The following RPF2 variants were observed in gnomAD, a reference collection of about 807,000 sequenced individuals.
The protein encoded by RPF2 is brix domain containing 1.
In RPF2, 21 loss-of-function variants were observed where a neutral mutation model predicts 38.9. The ratio of observed to expected loss-of-function variants is 0.54; its 90% CI spans 0.38 to 0.78. The LOEUF is 0.78. Ranked by LOEUF, RPF2 falls within the 30% of genes least tolerant of loss-of-function variation. The pLI, the probability that RPF2 is intolerant of heterozygous loss-of-function variation, is 0.00. For missense variants in RPF2, 314 were observed against 358.1 expected, an observed-to-expected ratio of 0.88 and a Z score of 0.99; for synonymous variants, 121 against 126.2, an observed-to-expected ratio of 0.96 and a Z score of 0.28.
chr6:111,000,096 A>G (rs1466887054), intron 6 of RPF2, among the ~76,000 whole-genome samples: 2 of 151,194 alleles, frequency 1.3e-5, no homozygotes, highest in African/African-American at 4.9e-5. Context: ...GTTTGAATTT[A>G]TTTTTTATTA....
At chr6:110,983,062 TAAGTG>T (rs1164052401) in intron 1 of RPF2, among the ~76,000 whole-genome samples, 2 of 152,212 alleles carry the variant, frequency 1.3e-5, no homozygotes, top group Non-Finnish European at 2.9e-5. Context: ...ATGGGAAACT[TAAGTG>T]TATGTATGGT....
intron 8 of RPF2, among the ~76,000 whole-genome samples, chr6:111,020,867 A>C (rs1000266863): frequency 6.7e-6 from 1 of 149,594 alleles, no homozygotes; most frequent in Non-Finnish European, 1.5e-5. Flanking sequence ...GAGAAAAAAA[A>C]GAATAAACTA....
chr6:110,990,869 A>T (rs1771608854), intron 3 of RPF2, among the ~76,000 whole-genome samples: 1 of 152,178 alleles, frequency 6.6e-6, no homozygotes. Context: ...CACTGCTCCC[A>T]GCTGGGAACT....
intron 8 of RPF2, among the ~76,000 whole-genome samples, chr6:111,020,766 CAGG>C (rs1772217964): frequency 6.6e-6 from 1 of 152,080 alleles, no homozygotes; most frequent in Non-Finnish European, 1.5e-5. Flanking sequence ...GAGGCTGATG[CAGG>C]AGAACCCGGG....
intron 1 of RPF2, among the ~76,000 whole-genome samples, chr6:110,983,902 G>A (rs12215650): frequency 0.046 from 7,007 of 151,948 alleles, 172 homozygotes; most frequent in Middle Eastern, 0.071. Flanking sequence ...CGTGGCGGGC[G>A]CCTGTAGTCC....
rs1772361430 is a variant in RPF2 at position 111,027,835 on chromosome 6, G to A, written c.*2253G>A. ...TGAAGTCTAACAAAGACTTTTTGTT[G>A]AGAACACCTTGTAGTGTTGTACTAT... On this transcript the variant is annotated 3_prime_UTR_variant, in exon 10 of 10. Coordinates refer to ENST00000441448, the MANE Select transcript of RPF2 (RefSeq NM_032194.3). 1 of 152,158 alleles carries A rather than the reference G, an allele frequency of 6.6e-6. No individual in the cohort carries two copies. Among genetic ancestry groups the A allele is most frequent in the African/African-American group, 2.4e-5 (1 of 41,450 alleles). 9.4% of individuals were successfully genotyped at this position (152,158 alleles called of 1,614,324 possible).
chr6:110,985,962 G>A (rs1174828744), intron 2 of RPF2, among the ~76,000 whole-genome samples: 1 of 151,928 alleles, frequency 6.6e-6, no homozygotes, highest in African/African-American at 2.4e-5. Flanking sequence ...AATCACATAG[G>A]GGGACCCCCA....
chr6:111,008,777 A>G (rs1248739807), intron 7 of RPF2, among the ~76,000 whole-genome samples: 5 of 151,764 alleles, frequency 3.3e-5, no homozygotes, highest in African/African-American at 4.8e-5. Flanking sequence ...TTGCCAATAT[A>G]TTATTCACAT....
chr6:110,993,561 T>C (rs1294356780), intron 4 of RPF2, among the ~76,000 whole-genome samples: 1 of 152,172 alleles, frequency 6.6e-6, no homozygotes, highest in Admixed American at 6.5e-5. Flanking sequence ...CAAGGCCTGG[T>C]TTTGTTTTTG....
intron 4 of RPF2, among the ~76,000 whole-genome samples, chr6:110,992,644 T>G (rs1393527764): frequency 6.6e-6 from 1 of 152,170 alleles, no homozygotes; most frequent in Non-Finnish European, 1.5e-5. Context: ...TTTCCTAGAG[T>G]TAATCAGATT....
At chr6:110,983,455 C>T (rs1376994535) in intron 1 of RPF2, among the ~76,000 whole-genome samples, 1 of 152,074 alleles carries the variant, frequency 6.6e-6, no homozygotes, top group Non-Finnish European at 1.5e-5. Flanking sequence ...TCAAGCAGTC[C>T]TCCTACCTCA....
At chr6:111,019,999 C>T (rs1169640577) in intron 8 of RPF2, among the ~76,000 whole-genome samples, 5 of 151,892 alleles carry the variant, frequency 3.3e-5, no homozygotes, top group Non-Finnish European at 7.4e-5. Flanking sequence ...ACTTCAGCCT[C>T]TGCCTCCCGG....
chr6:110,982,068 T>G lies in RPF2; in HGVS notation c.-39T>G, dbSNP rs199796622. On this transcript the variant is annotated 5_prime_UTR_variant, in exon 1 of 10. Transcript: ENST00000441448. ...GGCGCACGTAATCGCCGAGGGCACGTGCATGCCCCCTGGTTAAGAGTTGCA... is the reference window on the plus strand; with the variant it reads ...GGCGCACGTAATCGCCGAGGGCACGGGCATGCCCCCTGGTTAAGAGTTGCA... The G allele has an allele frequency of 1.2e-6, 2 of 1,612,764 alleles. No homozygotes were observed. The highest frequency in any genetic ancestry group is 1.7e-6 in the Non-Finnish European group (2 of 1,178,748).
At chr6:110,991,416 A>T (rs3894918) in intron 3 of RPF2, among the ~76,000 whole-genome samples, 1 of 147,008 alleles carries the variant, frequency 6.8e-6, no homozygotes. Context: ...TTTTTTTTTA[A>T]CACACTTTCT....
rs1288749429 is a variant in RPF2, at chr6:111,026,751, T to C, written c.*1169T>C. 6.6e-6 allele frequency: 1 copy of C among 152,234 alleles called. No homozygotes were observed. Among genetic ancestry groups the C allele is most frequent in the Non-Finnish European group, 1.5e-5 (1 of 68,036 alleles). The allele number at this position is 152,234 out of a possible 1,614,324, so 9.4% of individuals were successfully genotyped here. A position where few individuals can be genotyped will look rare whatever the true frequency, so the allele number is the denominator to read the frequency against. On this transcript the variant is annotated 3_prime_UTR_variant, in exon 10 of 10. Coordinates refer to ENST00000441448, the MANE Select transcript of RPF2 (RefSeq NM_032194.3). Reference sequence around the variant, plus strand: ...TCTACTAGTATTGCATACTTGTTTTTCTGGAATAGGGTGTTAAGTTCCTTG... The same window carrying C: ...TCTACTAGTATTGCATACTTGTTTTCCTGGAATAGGGTGTTAAGTTCCTTG...
intron 7 of RPF2, among the ~76,000 whole-genome samples, chr6:111,010,721 G>T (rs1771997754): frequency 6.6e-6 from 1 of 152,038 alleles, no homozygotes; most frequent in Non-Finnish European, 1.5e-5. Flanking sequence ...TTGAAAAATT[G>T]ATGGGGTATA....
intron 5 of RPF2, among the ~76,000 whole-genome samples, chr6:110,998,750 C>T (rs1281542185): frequency 6.6e-6 from 1 of 152,006 alleles, no homozygotes; most frequent in Non-Finnish European, 1.5e-5. Flanking sequence ...GTTTAACTGT[C>T]TCTCTAAAAT....
chr6:111,016,593 G>GA (rs1437504815), intron 8 of RPF2, among the ~76,000 whole-genome samples: 8,613 of 140,382 alleles, frequency 0.061, 411 homozygotes, highest in East Asian at 0.15. Flanking sequence ...TGAGGGCGCT[G>GA]AAAAAACAAA....
At chr6:111,023,846 G>A (rs566110080) in intron 8 of RPF2, among the ~76,000 whole-genome samples, 4 of 152,232 alleles carry the variant, frequency 2.6e-5, no homozygotes, top group African/African-American at 9.6e-5. Flanking sequence ...AAATTAGCCA[G>A]GTGTGGTGGC....
Sources: allele counts gnomAD v4.1 joint callset (sites outside exome capture counted in the v4.1 genomes callset), GRCh38; gene constraint gnomAD v4.1.1; transcripts MANE v1.5; gene names NCBI Gene and HGNC (gene_info 2026-07-23, HGNC 2026-07-21).